The following RBFOX1 variants were observed in gnomAD, a reference collection of about 807,000 sequenced individuals.
RBFOX1 encodes the protein RNA binding fox-1 homolog 1.
Under a neutral mutation model 57.7 loss-of-function variants are expected in RBFOX1, and 8 were observed. The observed-to-expected ratio is 0.14, with a 90% confidence interval of 0.08 to 0.25. The LOEUF (loss-of-function observed/expected upper bound fraction) is 0.25. RBFOX1 is among the 10% of genes least tolerant of loss of function. RBFOX1 has a pLI of 1.00. For synonymous variants in RBFOX1, 326 were observed against 222.4 expected, an observed-to-expected ratio of 1.47 and a Z score of -4.15; for missense variants, 611 against 548.5, an observed-to-expected ratio of 1.11 and a Z score of -1.14.
chr16:6,350,971 C>G (rs1267948851), intron 2 of RBFOX1, among the ~76,000 whole-genome samples: 1 of 152,156 alleles, frequency 6.6e-6, no homozygotes, highest in African/African-American at 2.4e-5. Flanking sequence ...GAAATGAAGA[C>G]CACAGGCAGT....
downstream of RBFOX1, among the ~76,000 whole-genome samples, chr16:5,604,198 A>G (rs886832811): frequency 1.4e-4 from 22 of 152,214 alleles, 1 homozygote; most frequent in Non-Finnish European, 2.1e-4. Flanking sequence ...AAGAATACAA[A>G]AAATTCATTT....
In RBFOX1 at chr16:7,688,260, T is replaced by TGTGA. The variant is rs1319185243; in HGVS notation, c.995+11423_995+11424insTGAG. ...GTGTGTGTGTGTGTGTGTGTGTGTGTGAGAGAGAGAGAGAGAGAGAGAGAT... is the reference window on the plus strand; with the variant it reads ...GTGTGTGTGTGTGTGTGTGTGTGTGTGTGAGAGAGAGAGAGAGAGAGAGAGAGAT... On this transcript the variant is annotated intron_variant, in intron 14 of 15. Transcript: ENST00000550418. Among the ~76,000 whole-genome samples, 19 of 125,386 alleles carry TGTGA rather than the reference T, an allele frequency of 1.5e-4. No individual in the cohort carries two copies. The South Asian group carries it at 2.2e-3, about 14-fold the overall frequency. 82.3% of individuals were successfully genotyped at this position (125,386 alleles called of 152,430 possible).
chr16:6,168,992 G>C (rs1051825399), intron 1 of RBFOX1, among the ~76,000 whole-genome samples: 2 of 152,042 alleles, frequency 1.3e-5, no homozygotes, highest in African/African-American at 2.4e-5. Context: ...CATGAATTTA[G>C]AGTTGGGCAA....
chr16:5,606,693 AG>A (rs113225547), intron 3 of RBFOX1, among the ~76,000 whole-genome samples: 3,936 of 152,272 alleles, frequency 0.026, 107 homozygotes, highest in African/African-American at 0.069. Context: ...TTTGTAGTGT[AG>A]GAAGAATATA....
chr16:6,609,425 A>G (rs979752310), intron 2 of RBFOX1, among the ~76,000 whole-genome samples: 1 of 151,842 alleles, frequency 6.6e-6, no homozygotes, highest in Non-Finnish European at 1.5e-5. Context: ...GCTCACTGCA[A>G]TCTCCTCTGC....
At chr16:7,063,105 C>T (rs911287159) in intron 4 of RBFOX1, among the ~76,000 whole-genome samples, 1 of 151,922 alleles carries the variant, frequency 6.6e-6, no homozygotes, top group African/African-American at 2.4e-5. Flanking sequence ...TGAATCGGCG[C>T]TGACTTTATG....
intron 1 of RBFOX1, among the ~76,000 whole-genome samples, chr16:5,318,563 C>T (rs1439000423): frequency 2.0e-5 from 3 of 150,316 alleles, no homozygotes; most frequent in African/African-American, 7.3e-5. Context: ...ATAAGAGCAA[C>T]CTATTTGCAT....
chr16:5,905,225 A>C (rs2058428491), intron 4 of RBFOX1, among the ~76,000 whole-genome samples: 2 of 151,400 alleles, frequency 1.3e-5, no homozygotes, highest in South Asian at 2.1e-4. Flanking sequence ...GTGCCACCAC[A>C]CCTAGCTAAT....
At chr16:7,109,808 C>T (rs561402895) in intron 4 of RBFOX1, among the ~76,000 whole-genome samples, 54 of 152,236 alleles carry the variant, frequency 3.5e-4, no homozygotes, top group African/African-American at 9.6e-4. Context: ...CCTGAATTGA[C>T]ACCTTCTTGG....
chr16:5,584,021 G>A (rs1468267875), intron 2 of RBFOX1, among the ~76,000 whole-genome samples: 3 of 152,140 alleles, frequency 2.0e-5, no homozygotes, highest in African/African-American at 7.2e-5. Flanking sequence ...CCTCTAATCA[G>A]CCTGCCTAGT....
intron 1 of RBFOX1, among the ~76,000 whole-genome samples, chr16:6,305,607 G>T (rs1024797594): frequency 6.6e-6 from 1 of 150,538 alleles, no homozygotes; most frequent in Non-Finnish European, 1.5e-5. Context: ...TATGACTCAA[G>T]TAGGTACAGC....
At chr16:6,854,587 ATTTTTTTTT>A (rs71147611) in intron 3 of RBFOX1, among the ~76,000 whole-genome samples, 4 of 70,640 alleles carry the variant, frequency 5.7e-5, no homozygotes, top group Admixed American at 2.0e-4. Flanking sequence ...GGAGAGGTGA[ATTTTTTTTT>A]TTTTTTTTTT....
intron 1 of RBFOX1, among the ~76,000 whole-genome samples, chr16:6,310,537 G>A (rs1233566433): frequency 1.3e-5 from 2 of 151,280 alleles, no homozygotes; most frequent in African/African-American, 4.8e-5. Flanking sequence ...ACCCTCTGAG[G>A]TGGGCATTAT....
In RBFOX1 at chr16:5,833,886, G is replaced by C. The variant is rs192072107; in HGVS notation, c.319-33417G>C. ...TATTTGGAAGCAATAAAGAATTCGT[G>C]CATATACTACTCTCCCTCTCCATAC... On this transcript the variant is annotated intron_variant, in intron 3 of 19. Transcript: ENST00000641259. Among the ~76,000 whole-genome samples the C allele has an allele frequency of 1.8e-4, 28 of 152,312 alleles. 1 individual carries two copies. Among genetic ancestry groups the C allele is most frequent in the Non-Finnish European group, 8.8e-5 (6 of 68,036 alleles).
At chr16:5,978,486 C>G (rs9674241) in intron 4 of RBFOX1, among the ~76,000 whole-genome samples, 18,825 of 151,996 alleles carry the variant, frequency 0.12, 1,511 homozygotes, top group East Asian at 0.21. Context: ...TGTAATGAAG[C>G]GACCAGCGTT....
At chr16:6,564,356 C>T (rs2097225824) in intron 2 of RBFOX1, among the ~76,000 whole-genome samples, 1 of 152,122 alleles carries the variant, frequency 6.6e-6, no homozygotes, top group Non-Finnish European at 1.5e-5. Flanking sequence ...GAAGGAAATA[C>T]TGTGTTCGTA....
intron 4 of RBFOX1, among the ~76,000 whole-genome samples, chr16:5,967,126 G>C (rs1044721387): frequency 4.0e-5 from 6 of 151,896 alleles, no homozygotes; most frequent in Non-Finnish European, 8.8e-5. Context: ...CAGCAGAGTT[G>C]GGTAGTTGCA....
At chr16:5,985,194 G>C (rs4786799) in intron 4 of RBFOX1, among the ~76,000 whole-genome samples, 78 of 151,038 alleles carry the variant, frequency 5.2e-4, no homozygotes, top group Non-Finnish European at 8.0e-4. Flanking sequence ...GGGTTTCACC[G>C]TGTTAGCCAG....
In RBFOX1 at chr16:7,030,758, C is replaced by T. The variant is rs150937795; in HGVS notation, c.-15-21299C>T. Among the ~76,000 whole-genome samples, 1,018 of 152,256 alleles carry T rather than the reference C, an allele frequency of 6.7e-3. 10 individuals are homozygous for T. Among genetic ancestry groups the T allele is most frequent in the African/African-American group, 0.023 (966 of 41,548 alleles). On this transcript the variant is annotated intron_variant, in intron 3 of 15. Transcript: ENST00000550418. Reference sequence around the variant, plus strand: ...GAATTTGAAGAGACACTATTCAACCCATTATACAAAGTTATGGGGTCTAAT... The same window carrying T: ...GAATTTGAAGAGACACTATTCAACCTATTATACAAAGTTATGGGGTCTAAT...
Sources: allele counts gnomAD v4.1 joint callset (sites outside exome capture counted in the v4.1 genomes callset), GRCh38; gene constraint gnomAD v4.1.1; transcripts MANE v1.5; gene names NCBI Gene and HGNC (gene_info 2026-07-23, HGNC 2026-07-21).